The following ZNF215 variants were observed in gnomAD, a reference collection of about 807,000 sequenced individuals.
ZNF215 encodes the protein zinc finger protein 215, also known as BWSCR2-associated zinc finger protein 2.
Under a neutral mutation model 27.2 loss-of-function variants are expected in ZNF215, and 24 were observed. That is an observed-to-expected ratio of 0.88 (90% CI 0.64 to 1.24). The LOEUF (loss-of-function observed/expected upper bound fraction) is 1.24, where lower values mean the gene tolerates loss of function less well. Among genes scored for constraint, ZNF215 ranks in the 50% most tolerant of loss-of-function variants. ZNF215 has a pLI of 0.00. For synonymous variants in ZNF215, 210 were observed against 204.0 expected, an observed-to-expected ratio of 1.03 and a Z score of -0.25; for missense variants, 675 against 605.7, an observed-to-expected ratio of 1.11 and a Z score of -1.20.
Position 6,956,859 on chromosome 11 carries a change from C to G in ZNF215, c.*328C>G, listed in dbSNP as rs72848536. On this transcript the variant is annotated 3_prime_UTR_variant, in exon 7 of 7. Coordinates refer to ENST00000278319, the MANE Select transcript of ZNF215 (RefSeq NM_013250.4). Reference sequence around the variant, plus strand: ...TAGGTCTATAGCATACTAATATCCACCTGATTTATTGACGAAGTAGACATT... The same window carrying G: ...TAGGTCTATAGCATACTAATATCCAGCTGATTTATTGACGAAGTAGACATT... The G allele has an allele frequency of 4.4e-4, 455 of 1,023,294 alleles. 4 individuals are homozygous for G. The African/African-American group carries it at 7.4e-3, about 17-fold the overall frequency. The allele number at this position is 1,023,294 out of a possible 1,614,324, so 63.4% of individuals were successfully genotyped here. A position where few individuals can be genotyped will look rare whatever the true frequency, so the allele number is the denominator to read the frequency against.
At chr11:6,949,657 G>A (rs1437452496) in intron 6 of ZNF215, among the ~76,000 whole-genome samples, 72 of 152,166 alleles carry the variant, frequency 4.7e-4, no homozygotes, top group African/African-American at 1.6e-3. Context: ...AGTAGGTTGC[G>A]AAAATTTTCT....
chr11:6,981,072 A>C (rs1217435194), intron 5 of ZNF215, among the ~76,000 whole-genome samples: 1 of 151,600 alleles, frequency 6.6e-6, no homozygotes, highest in South Asian at 2.1e-4. Context: ...ATAAACATAC[A>C]TGTGCATGTG....
chr11:6,957,717 A>G lies in ZNF215; in HGVS notation c.*1186A>G, dbSNP rs1013070981. ...TTAAAGTTGCAGTTCCTAAGAACCTATTGATGATGTTCAGTGCAGACTTAC... is the reference window on the plus strand; with the variant it reads ...TTAAAGTTGCAGTTCCTAAGAACCTGTTGATGATGTTCAGTGCAGACTTAC... On this transcript the variant is annotated 3_prime_UTR_variant, in exon 7 of 7. Coordinates refer to ENST00000278319, the MANE Select transcript of ZNF215 (RefSeq NM_013250.4). 1.4e-5 allele frequency: 14 copies of G among 982,464 alleles called. No individual in the cohort carries two copies. The South Asian group carries it at 1.9e-4, about 13-fold the overall frequency. The allele number at this position is 982,464 out of a possible 1,614,324, so 60.9% of individuals were successfully genotyped here. A position where few individuals can be genotyped will look rare whatever the true frequency, so the allele number is the denominator to read the frequency against.
At chr11:6,929,533 T>A (rs1001563639) in intron 2 of ZNF215, among the ~76,000 whole-genome samples, 4 of 152,212 alleles carry the variant, frequency 2.6e-5, no homozygotes, top group African/African-American at 9.6e-5. Context: ...TTTCTGATCA[T>A]GCTACAATTA....
intron 5 of ZNF215, among the ~76,000 whole-genome samples, chr11:6,963,198 T>C (rs1850552042): frequency 6.6e-6 from 1 of 152,008 alleles, no homozygotes; most frequent in African/African-American, 2.4e-5. Flanking sequence ...GAAAATTCTC[T>C]CCTATTCTTT....
At chr11:6,962,164 T>C (rs1463632659), downstream of ZNF215, among the ~76,000 whole-genome samples, 1 of 152,152 alleles carries the variant, frequency 6.6e-6, no homozygotes, top group African/African-American at 2.4e-5. Context: ...TTTTTGTTTG[T>C]TTGCTTTTTA....
At chr11:6,958,713 T>A (rs1850454953), downstream of ZNF215, among the ~76,000 whole-genome samples, 1 of 152,144 alleles carries the variant, frequency 6.6e-6, no homozygotes, top group Non-Finnish European at 1.5e-5. Flanking sequence ...GGAAGCCAAG[T>A]CCCAATTTTA....
intron 5 of ZNF215, among the ~76,000 whole-genome samples, chr11:6,969,685 A>G (rs1265428084): frequency 6.6e-6 from 1 of 152,226 alleles, no homozygotes; most frequent in Non-Finnish European, 1.5e-5. Flanking sequence ...CTTATTAAAC[A>G]TGATGGATTA....
chr11:6,951,397 G>T (rs1338079824), intron 6 of ZNF215, among the ~76,000 whole-genome samples: 2 of 152,266 alleles, frequency 1.3e-5, no homozygotes, highest in South Asian at 2.1e-4. Context: ...ATTGATTGTT[G>T]CCATAATTTC....
At chr11:6,955,420 C>T (rs895465233) in intron 6 of ZNF215, among the ~76,000 whole-genome samples, 2 of 152,152 alleles carry the variant, frequency 1.3e-5, no homozygotes, top group Admixed American at 6.5e-5. Context: ...GATATGCCAC[C>T]CGCATCCTTG....
intron 5 of ZNF215, among the ~76,000 whole-genome samples, chr11:6,967,863 C>T (rs1727444599): frequency 6.6e-6 from 1 of 152,096 alleles, no homozygotes; most frequent in South Asian, 2.1e-4. Flanking sequence ...AGTCTTTGGC[C>T]ATGCCTATGT....
At chr11:6,989,012 C>A (rs1851090015), downstream of ZNF215, 2 of 151,804 alleles carry the variant, frequency 1.3e-5, no homozygotes, top group African/African-American at 4.8e-5. Flanking sequence ...CAAAAATTAG[C>A]CAGGCATGGT....
chr11:6,993,246 C>G (rs1459961961), downstream of ZNF215, among the ~76,000 whole-genome samples: 2 of 152,144 alleles, frequency 1.3e-5, no homozygotes, highest in East Asian at 3.8e-4. Flanking sequence ...AATAAACTCT[C>G]TTCTCACTGT....
intron 5 of ZNF215, among the ~76,000 whole-genome samples, chr11:6,973,853 C>T (rs1850773666): frequency 6.6e-6 from 1 of 152,174 alleles, no homozygotes; most frequent in African/African-American, 2.4e-5. Context: ...TGCCTGTTGA[C>T]TCTGATGGTA....
intron 5 of ZNF215, among the ~76,000 whole-genome samples, chr11:6,972,911 ATTTT>A (rs11382653): frequency 1.3e-5 from 2 of 151,824 alleles, no homozygotes; most frequent in Non-Finnish European, 2.9e-5. Context: ...GATTTTTTTA[ATTTT>A]TTTTATTATA....
chr11:6,993,625 CCAAA>C (rs1389555771), downstream of ZNF215, among the ~76,000 whole-genome samples: 1 of 152,110 alleles, frequency 6.6e-6, no homozygotes, highest in Admixed American at 6.5e-5. Context: ...GCCATATTGT[CCAAA>C]CAGAGATAAG....
chr11:6,974,878 C>T (rs1182242957), intron 5 of ZNF215, among the ~76,000 whole-genome samples: 2 of 152,224 alleles, frequency 1.3e-5, no homozygotes, highest in Non-Finnish European at 2.9e-5. Context: ...ATTGAATGCC[C>T]TTTATTTCTT....
chr11:6,949,228 T>C (rs1191966973), intron 6 of ZNF215, among the ~76,000 whole-genome samples: 1 of 152,120 alleles, frequency 6.6e-6, no homozygotes, highest in Non-Finnish European at 1.5e-5. Flanking sequence ...TGTGTCTTTA[T>C]AGCAGCATGA....
At chr11:6,946,853 A>G (rs1849832103) in intron 6 of ZNF215, among the ~76,000 whole-genome samples, 1 of 152,232 alleles carries the variant, frequency 6.6e-6, no homozygotes. Context: ...TAGGAATAAG[A>G]GAAAAAAAGA....
Sources: gnomAD v4.1 joint callset for allele counts (sites outside exome capture counted in the v4.1 genomes callset) on GRCh38, gnomAD v4.1.1 for gene constraint, MANE v1.5 for transcripts, NCBI Gene and HGNC (gene_info 2026-07-23, HGNC 2026-07-21) for gene names.